The following MELK variants were observed in gnomAD, a reference collection of about 807,000 sequenced individuals.
The protein encoded by MELK is pEg3 kinase.
In MELK, 81 loss-of-function variants were observed where a neutral mutation model predicts 85.0. The ratio of observed to expected loss-of-function variants is 0.95; its 90% CI spans 0.80 to 1.15. The LOEUF (loss-of-function observed/expected upper bound fraction) is 1.15. MELK is among the 50% of genes most tolerant of loss of function. MELK has a pLI of 0.00. For missense variants in MELK, 754 were observed against 777.5 expected (o/e 0.97, Z 0.36); for synonymous variants, 252 against 265.0 (o/e 0.95, Z 0.48).
At chr9:36,641,305 A>G (rs1400588620) in intron 10 of MELK, among the ~76,000 whole-genome samples, 1 of 152,172 alleles carries the variant, frequency 6.6e-6, no homozygotes, top group Non-Finnish European at 1.5e-5. Flanking sequence ...TGTTGCATAT[A>G]TTGCAGGGCA....
intron 12 of MELK, 103 bp from the exon 13 acceptor site, chr9:36,657,138 A>G (rs952065719): frequency 6.8e-6 from 9 of 1,320,892 alleles, no homozygotes; most frequent in African/African-American, 1.5e-5. Context: ...TGCCTAATAC[A>G]TTTCTCAGAA....
intron 13 of MELK, among the ~76,000 whole-genome samples, chr9:36,657,969 A>G (rs1042314273): frequency 8.5e-5 from 13 of 152,250 alleles, no homozygotes; most frequent in African/African-American, 2.9e-4. Flanking sequence ...GTGCAATTCT[A>G]TGTGTTTTGA....
At chr9:36,586,606 T>C (rs1822927742) in intron 3 of MELK, among the ~76,000 whole-genome samples, 1 of 152,190 alleles carries the variant, frequency 6.6e-6, no homozygotes, top group Non-Finnish European at 1.5e-5. Context: ...ATCAATTAGA[T>C]TAATTCCCTT....
At chr9:36,577,495 A>G (rs1324367255) in intron 1 of MELK, among the ~76,000 whole-genome samples, 6 of 151,748 alleles carry the variant, frequency 4.0e-5, no homozygotes, top group Non-Finnish European at 7.4e-5. Context: ...CAGCCTGGGC[A>G]CCAGAGCAAG....
intron 16 of MELK, among the ~76,000 whole-genome samples, chr9:36,671,802 A>T (rs954847663): frequency 6.6e-6 from 1 of 152,234 alleles, no homozygotes; most frequent in Non-Finnish European, 1.5e-5. Context: ...CTGAGCATTC[A>T]TTCAAACATC....
intron 10 of MELK, among the ~76,000 whole-genome samples, chr9:36,635,895 C>A (rs1829088771): frequency 6.7e-6 from 1 of 150,146 alleles, no homozygotes. Context: ...CTCCTGGGTT[C>A]AAGTGATTCT....
intron 16 of MELK, among the ~76,000 whole-genome samples, chr9:36,671,976 G>A (rs190439462): frequency 1.3e-5 from 2 of 152,290 alleles, no homozygotes; most frequent in East Asian, 1.9e-4. Flanking sequence ...ATTCCAAGAG[G>A]TGTGGGCCCA....
intron 3 of MELK, among the ~76,000 whole-genome samples, chr9:36,584,218 G>C (rs1214476542): frequency 1.3e-5 from 2 of 151,416 alleles, no homozygotes; most frequent in Non-Finnish European, 2.9e-5. Context: ...TGTTAGCCAG[G>C]ATGGTCTCAA....
chr9:36,596,866 G>A (rs1421841325), intron 5 of MELK, among the ~76,000 whole-genome samples: 4 of 152,154 alleles, frequency 2.6e-5, no homozygotes, highest in African/African-American at 2.4e-5. Context: ...GATTACAGGC[G>A]TGAGCCATTG....
chr9:36,622,285 T>G (rs1827522072), intron 8 of MELK, among the ~76,000 whole-genome samples: 1 of 152,240 alleles, frequency 6.6e-6, no homozygotes. Flanking sequence ...TACAGTCTGC[T>G]GGTTGAATCT....
intron 8 of MELK, among the ~76,000 whole-genome samples, chr9:36,610,106 G>A (rs1825940920): frequency 6.6e-6 from 1 of 152,158 alleles, no homozygotes; most frequent in South Asian, 2.1e-4. Context: ...GCATAGAAGT[G>A]GGAGAGACGT....
intron 7 of MELK, among the ~76,000 whole-genome samples, chr9:36,601,020 G>A (rs1824862822): frequency 6.6e-6 from 1 of 151,788 alleles, no homozygotes; most frequent in South Asian, 2.1e-4. Context: ...TTATATATAT[G>A]CATGTTTTTT....
rs927925142 is a variant in MELK at position 36,610,278 on chromosome 9, G to A, written c.666+2605G>A. 2.8e-4 allele frequency among the ~76,000 whole-genome samples: 43 copies of A among 152,286 alleles called. 2 individuals are homozygous for A. The highest frequency in any genetic ancestry group is 1.0e-3 in the Admixed American group (16 of 15,274). ...CACTCCATAGAACACCAAGTCTAAG[G>A]ACACTGAGTTCAATCTTCAACTTTT... On this transcript the variant is annotated intron_variant, in intron 8 of 17. Coordinates refer to ENST00000298048, the MANE Select transcript of MELK (RefSeq NM_014791.4).
rs778862142 is a variant in MELK at position 36,607,568 on chromosome 9, C to T, written c.568-7C>T. 2.5e-6 allele frequency: 4 copies of T among 1,597,878 alleles called. No homozygotes were observed. The highest frequency in any genetic ancestry group is 3.4e-6 in the Non-Finnish European group (4 of 1,167,384). ...CAGTAATTTTTCTTTTTCCCTCTTT[C>T]TCTCAGGCAGATGTTTGGAGCATGG... On this transcript the variant is annotated splice_polypyrimidine_tract_variant and splice_region_variant and intron_variant, in intron 7 of 17. Transcript: ENST00000298048.
intron 13 of MELK, among the ~76,000 whole-genome samples, chr9:36,661,849 A>G (rs1269037609): frequency 6.6e-6 from 1 of 151,146 alleles, no homozygotes; most frequent in Non-Finnish European, 1.5e-5. Context: ...AGGCAGGAGA[A>G]TGGCATGAAC....
At chr9:36,671,586 C>T (rs1048227152) in intron 16 of MELK, among the ~76,000 whole-genome samples, 11 of 152,062 alleles carry the variant, frequency 7.2e-5, no homozygotes, top group African/African-American at 2.7e-4. Context: ...TGGTGTGTGT[C>T]AGGAAAATAG....
chr9:36,604,007 T>G (rs1171037394), intron 7 of MELK, among the ~76,000 whole-genome samples: 1 of 152,142 alleles, frequency 6.6e-6, no homozygotes, highest in Non-Finnish European at 1.5e-5. Context: ...TTCGCTCTTG[T>G]TGCCCAGGCT....
At chr9:36,622,671 A>G (rs754904029) in intron 8 of MELK, among the ~76,000 whole-genome samples, 16 of 152,250 alleles carry the variant, frequency 1.1e-4, no homozygotes, top group Admixed American at 1.3e-4. Flanking sequence ...TAGTTTGAAA[A>G]TAAAATTGCT....
intron 8 of MELK, among the ~76,000 whole-genome samples, chr9:36,617,218 C>T (rs536775681): frequency 3.9e-4 from 60 of 152,102 alleles, no homozygotes; most frequent in African/African-American, 1.4e-3. Context: ...TTTCTCCATA[C>T]CCCCCCACCA....
Sources: allele counts gnomAD v4.1 joint callset (sites outside exome capture counted in the v4.1 genomes callset), GRCh38; gene constraint gnomAD v4.1.1; transcripts MANE v1.5; gene names NCBI Gene and HGNC (gene_info 2026-07-23, HGNC 2026-07-21).